FER1L6: variants seen among roughly 807,000 people sequenced by gnomAD.
FER1L6 encodes the protein fer-1 like family member 6, also known as fer-1-like protein 6.
FER1L6 carries 177 observed loss-of-function variants against 219.2 expected under a neutral mutation model. The ratio of observed to expected loss-of-function variants is 0.81; its 90% CI spans 0.71 to 0.91. The LOEUF (loss-of-function observed/expected upper bound fraction) is 0.91. Among genes scored for constraint, FER1L6 ranks in the 40% least tolerant of loss-of-function variants. The pLI, the probability that FER1L6 is intolerant of heterozygous loss-of-function variation, is 0.00. For synonymous variants in FER1L6, 768 were observed against 824.3 expected, an observed-to-expected ratio of 0.93 and a Z score of 1.17; for missense variants, 2,153 against 2,259.9, an observed-to-expected ratio of 0.95 and a Z score of 0.96.
rs760374457 is a variant in FER1L6, at chr8:124,111,984, A to G, written c.5290-6860A>G. On this transcript the variant is annotated intron_variant, in intron 39 of 40. Coordinates refer to ENST00000522917, the MANE Select transcript of FER1L6 (RefSeq NM_001039112.2). This position sits in a 1 kb window ranked among gnomAD's most constrained non-coding sequence, Gnocchi z 5.0. ...ACTCTTTCCCCCTTAAGTAACCAAT[A>G]ACCATATTAAGAAAATAACTTTCTC... 4.6e-5 allele frequency among the ~76,000 whole-genome samples: 7 copies of G among 152,164 alleles called. No individual in the cohort carries two copies. Among genetic ancestry groups the G allele is most frequent in the Non-Finnish European group, 1.0e-4 (7 of 68,030 alleles).
At chr8:124,104,647 G>A (rs1044493166) in intron 39 of FER1L6, among the ~76,000 whole-genome samples, 8 of 152,060 alleles carry the variant, frequency 5.3e-5, no homozygotes, top group African/African-American at 1.9e-4. Flanking sequence ...TGACAAATGG[G>A]GACTGCCAGG....
intron 1 of FER1L6, among the ~76,000 whole-genome samples, chr8:123,880,505 G>C (rs1301590029): frequency 6.6e-6 from 1 of 152,164 alleles, no homozygotes; most frequent in African/African-American, 2.4e-5. Context: ...ACTTGCTCCA[G>C]TTCCCACTGA....
chr8:124,064,402 G>C lies in FER1L6; in HGVS notation c.3384G>C (p.Gln1128His), dbSNP rs374223082. 39 of 1,613,364 alleles carry C rather than the reference G, an allele frequency of 2.4e-5. No homozygotes were observed. In the African/African-American group the frequency reaches 5.1e-4, roughly 21 times the overall value. ...CCTCTGGAGCCCACAGCTCCTCCCAGGATCCCCCAGCAGATCACATTTATG... is the reference window on the plus strand; with the variant it reads ...CCTCTGGAGCCCACAGCTCCTCCCACGATCCCCCAGCAGATCACATTTATG... The part of the protein sequence containing the change: ...TESSGAHSSS[Q>H]DPPADHIYVD... The change falls in exon 26 of 41, where the codon CAG (glutamine) becomes CAC (histidine). Residue 1128 changes from glutamine to histidine, a missense_variant. Gln to His is a conservative substitution (Grantham distance 24, BLOSUM62 0). Transcript: ENST00000522917.
intron 1 of FER1L6, among the ~76,000 whole-genome samples, chr8:123,884,021 C>T (rs1428152742): frequency 3.3e-5 from 5 of 152,180 alleles, no homozygotes; most frequent in African/African-American, 1.2e-4. Context: ...AAGTGAGCTC[C>T]TATGACATAC....
Position 124,075,918 on chromosome 8 carries a change from C to T in FER1L6, c.4093-280C>T, listed in dbSNP as rs185198933. On this transcript the variant is annotated intron_variant, in intron 31 of 40. Coordinates refer to ENST00000522917, the MANE Select transcript of FER1L6 (RefSeq NM_001039112.2). ...ATTTTTCTGTGCCAAGAGCTTCTTTCCACTGAGGAGATGACTCCAGAGAAA... is the reference window on the plus strand; with the variant it reads ...ATTTTTCTGTGCCAAGAGCTTCTTTTCACTGAGGAGATGACTCCAGAGAAA... Among the ~76,000 whole-genome samples the T allele has an allele frequency of 5.3e-5, 8 of 152,318 alleles. No homozygotes were observed. In the East Asian group the frequency reaches 1.5e-3, roughly 29 times the overall value.
intron 1 of FER1L6, among the ~76,000 whole-genome samples, chr8:123,941,142 C>T (rs962256422): frequency 1.3e-5 from 2 of 152,088 alleles, no homozygotes; most frequent in African/African-American, 4.8e-5. Flanking sequence ...CCTAATGAAA[C>T]TTTTTGTCTA....
At chr8:124,060,810 T>A in intron 24 of FER1L6, 101 bp downstream of exon 24, 5 of 1,329,640 alleles carry the variant, frequency 3.8e-6, no homozygotes, top group Non-Finnish European at 5.2e-6. Flanking sequence ...AAAGAATTAA[T>A]TTAGTGAAAA....
At chr8:123,864,109 C>T (rs1238119413) in intron 1 of FER1L6, among the ~76,000 whole-genome samples, 7 of 148,622 alleles carry the variant, frequency 4.7e-5, no homozygotes, top group Non-Finnish European at 1.0e-4. Context: ...GATTTTGCAG[C>T]GGCTGGTACC....
intron 13 of FER1L6, 85 bp downstream of exon 13, chr8:124,003,432 C>T: frequency 3.0e-6 from 1 of 333,310 alleles, no homozygotes; most frequent in Middle Eastern, 1.1e-3. Flanking sequence ...TTCAGTTCTT[C>T]ACTAAAATCA....
chr8:123,866,925 T>C (rs1816848089), intron 1 of FER1L6, among the ~76,000 whole-genome samples: 1 of 152,222 alleles, frequency 6.6e-6, no homozygotes, highest in African/African-American at 2.4e-5. Context: ...GACCAGGTTA[T>C]TTGTTTTTAT....
intron 22 of FER1L6, among the ~76,000 whole-genome samples, chr8:124,054,437 A>AACTT (rs1563769073): frequency 6.6e-6 from 1 of 152,076 alleles, no homozygotes; most frequent in Non-Finnish European, 1.5e-5. Context: ...CTTTTTTTTT[A>AACTT]ACTTCTTTTT....
chr8:123,926,829 A>G lies in FER1L6; in HGVS notation c.-7-29163A>G, dbSNP rs533966960. The stretch of plus-strand genomic sequence containing the variant: ...TCTAAGTAATATATCTATTTGCTAT[A>G]GAAATATTACATTTTACTATGAAAT... On this transcript the variant is annotated intron_variant, in intron 1 of 40. Coordinates refer to ENST00000522917, the MANE Select transcript of FER1L6 (RefSeq NM_001039112.2). 2.0e-5 allele frequency among the ~76,000 whole-genome samples: 3 copies of G among 152,320 alleles called. No homozygotes were observed. In the South Asian group the frequency reaches 6.2e-4, roughly 32 times the overall value.
chr8:124,119,032 C>A, intron 40 of FER1L6, 88 bp downstream of exon 40: 1 of 1,103,908 alleles, frequency 9.1e-7, no homozygotes, highest in Non-Finnish European at 1.3e-6. Flanking sequence ...TTCTTTAGAG[C>A]AGCCCTGTGG....
chr8:123,933,466 C>T (rs545594548), intron 1 of FER1L6, among the ~76,000 whole-genome samples: 1 of 152,246 alleles, frequency 6.6e-6, no homozygotes, highest in South Asian at 2.1e-4. Flanking sequence ...TTTTCACTTT[C>T]CCCCTAGTGC....
At position 123,906,683 on chromosome 8, in the gene FER1L6, C is replaced by T. The variant is rs149994399; in HGVS notation, c.-7-49309C>T. On this transcript the variant is annotated intron_variant, in intron 1 of 40. Transcript: ENST00000522917. ...GGCGTGGTGGTGTGTGCCTGTAGCC[C>T]CAGCTACTCAAGAGGCTGAGGCAGG... 9.6e-3 allele frequency among the ~76,000 whole-genome samples: 1,451 copies of T among 151,784 alleles called. 21 individuals carry two copies. The highest frequency in any genetic ancestry group is 0.034 in the African/African-American group (1,401 of 41,362).
chr8:124,108,513 C>T (rs543351968), intron 39 of FER1L6, among the ~76,000 whole-genome samples: 1 of 152,180 alleles, frequency 6.6e-6, no homozygotes, highest in Non-Finnish European at 1.5e-5. Flanking sequence ...GAGGGAAACG[C>T]CTCAAACTCA....
chr8:124,010,589 C>G lies in FER1L6; in HGVS notation c.1701-5C>G, dbSNP rs1007331590. 1 of 1,613,210 alleles carries G rather than the reference C, an allele frequency of 6.2e-7. No homozygotes were observed. On this transcript the variant is annotated splice_region_variant and splice_polypyrimidine_tract_variant and intron_variant, in intron 13 of 40. Transcript: ENST00000522917. The stretch of plus-strand genomic sequence containing the variant: ...GCTAACTTCCAGACCTAATTGTTTT[C>G]ACAGGAATTACAACTATTTGCCATT...
chr8:124,096,407 C>A (rs532932534), intron 35 of FER1L6, among the ~76,000 whole-genome samples: 1 of 152,288 alleles, frequency 6.6e-6, no homozygotes, highest in African/African-American at 2.4e-5. Flanking sequence ...CCTGCATCTT[C>A]TTCATGCTCT....
At chr8:124,102,212 A>G (rs1187019930) in intron 38 of FER1L6, among the ~76,000 whole-genome samples, 1 of 152,142 alleles carries the variant, frequency 6.6e-6, no homozygotes, top group Non-Finnish European at 1.5e-5. Flanking sequence ...TTTTCACGTT[A>G]ATTTTAGAAT....
Sources: gnomAD v4.1 joint callset for allele counts (sites outside exome capture counted in the v4.1 genomes callset) on GRCh38, gnomAD v4.1.1 for gene constraint, Gnocchi (gnomAD v3.1) non-coding constraint, MANE v1.5 for transcripts, NCBI Gene and HGNC (gene_info 2026-07-23, HGNC 2026-07-21) for gene names.